DLGAP4: variants seen among roughly 807,000 people sequenced by gnomAD.
DLGAP4 encodes disks large-associated protein 4.
DLGAP4 carries 18 observed loss-of-function variants against 86.9 expected under a neutral mutation model. The ratio of observed to expected loss-of-function variants is 0.21; its 90% confidence interval spans 0.14 to 0.31. The LOEUF (loss-of-function observed/expected upper bound fraction) is 0.31, where lower values mean the gene tolerates loss of function less well. Among genes scored for constraint, DLGAP4 ranks in the 10% least tolerant of loss-of-function variants. The pLI, the probability that DLGAP4 is intolerant of heterozygous loss-of-function variation, is 1.00. For synonymous variants in DLGAP4, 548 were observed against 574.3 expected (o/e 0.95, Z 0.65); for missense variants, 1,085 against 1,362.6 (o/e 0.80, Z 3.21).
At chr20:36,457,093 G>A (rs1054185597) in intron 7 of DLGAP4, among the ~76,000 whole-genome samples, 18 of 152,222 alleles carry the variant, frequency 1.2e-4, no homozygotes, top group African/African-American at 4.3e-4. Context: ...ACATAAATAA[G>A]TGTGTGGTTT....
intron 2 of DLGAP4, among the ~76,000 whole-genome samples, chr20:36,403,536 G>A (rs577305239): frequency 3.3e-5 from 5 of 152,304 alleles, no homozygotes; most frequent in Admixed American, 1.3e-4. Context: ...AAACCTCAAG[G>A]AGACCGATAG....
chr20:36,489,918 G>T (rs2035588828), intron 7 of DLGAP4, among the ~76,000 whole-genome samples: 1 of 149,080 alleles, frequency 6.7e-6, no homozygotes, highest in African/African-American at 2.5e-5. Context: ...GAGTGCAGTG[G>T]CGCAATCCTG....
intron 1 of DLGAP4, among the ~76,000 whole-genome samples, chr20:36,353,254 C>G (rs2030218382): frequency 6.6e-6 from 1 of 152,164 alleles, no homozygotes; most frequent in African/African-American, 2.4e-5. Context: ...AGCCATGGCT[C>G]AGAGAGAGGA....
intron 2 of DLGAP4, among the ~76,000 whole-genome samples, chr20:36,390,478 G>T (rs1485374350): frequency 3.3e-5 from 5 of 152,086 alleles, no homozygotes; most frequent in African/African-American, 2.4e-5. Context: ...CTCCTGCAGG[G>T]TCATTAACCA....
At chr20:36,494,912 G>A (rs997384799) in intron 7 of DLGAP4, among the ~76,000 whole-genome samples, 11 of 150,966 alleles carry the variant, frequency 7.3e-5, no homozygotes, top group Admixed American at 2.6e-4. Flanking sequence ...CCAGGAGTTC[G>A]AGACTAACCT....
At chr20:36,436,054 C>T (rs1424911554) in intron 3 of DLGAP4, 55 bp from the exon 4 acceptor site, 4 of 1,490,750 alleles carry the variant, frequency 2.7e-6, no homozygotes, top group South Asian at 2.7e-5. Flanking sequence ...TGGGGGTTCT[C>T]GCCATCTGCT....
intron 11 of DLGAP4, among the ~76,000 whole-genome samples, chr20:36,524,795 G>A (rs2037604805): frequency 6.6e-6 from 1 of 152,046 alleles, no homozygotes; most frequent in African/African-American, 2.4e-5. Flanking sequence ...CCAGCTACTC[G>A]GGAGGCTGAG....
chr20:36,440,054 G>A (rs2033403045), intron 5 of DLGAP4, among the ~76,000 whole-genome samples, 186 bp downstream of exon 5: 1 of 152,158 alleles, frequency 6.6e-6, no homozygotes, highest in African/African-American at 2.4e-5. Flanking sequence ...CCTGTGGCTG[G>A]AGAGCACAGT....
At chr20:36,489,128 G>A (rs2035549706) in intron 7 of DLGAP4, among the ~76,000 whole-genome samples, 1 of 152,240 alleles carries the variant, frequency 6.6e-6, no homozygotes, top group African/African-American at 2.4e-5. Context: ...CTTGTTTACA[G>A]TATGAGAGCT....
At chr20:36,340,206 T>A (rs1464499468) in intron 1 of DLGAP4, among the ~76,000 whole-genome samples, 1 of 152,040 alleles carries the variant, frequency 6.6e-6, no homozygotes, top group African/African-American at 2.4e-5. Flanking sequence ...ATCCCCAACA[T>A]CAGCTCCTCC....
At chr20:36,337,250 A>G (rs1417087013) in intron 1 of DLGAP4, among the ~76,000 whole-genome samples, 1 of 151,964 alleles carries the variant, frequency 6.6e-6, no homozygotes, top group Non-Finnish European at 1.5e-5. Context: ...GCCAGAACCA[A>G]CAGGATGTTT....
intron 4 of DLGAP4, 78 bp downstream of exon 4, chr20:36,436,428 G>T: frequency 6.9e-7 from 1 of 1,456,056 alleles, no homozygotes; most frequent in Middle Eastern, 2.1e-4. Context: ...CCTGGGAGGA[G>T]CCCTGCATTA....
intron 2 of DLGAP4, among the ~76,000 whole-genome samples, chr20:36,404,936 G>T (rs2032272041): frequency 6.6e-6 from 1 of 152,234 alleles, no homozygotes; most frequent in Non-Finnish European, 1.5e-5. Context: ...CGGTCGAGGG[G>T]GTAGTTGAGG....
At chr20:36,517,772 T>C (rs1358941730) in intron 10 of DLGAP4, among the ~76,000 whole-genome samples, 1 of 152,208 alleles carries the variant, frequency 6.6e-6, no homozygotes, top group Admixed American at 6.5e-5. Context: ...TTTAGTACAC[T>C]GCCGGGTTTA....
At chr20:36,399,419 G>GA (rs2032091994) in intron 2 of DLGAP4, among the ~76,000 whole-genome samples, 1 of 152,128 alleles carries the variant, frequency 6.6e-6, no homozygotes, top group South Asian at 2.1e-4. Flanking sequence ...TTCTGTGTAA[G>GA]AAAAAATAAG....
In DLGAP4 at chr20:36,525,859, T is replaced by G; in HGVS notation, c.2613T>G (p.Asp871Glu). 2 of 1,613,356 alleles carry G rather than the reference T, an allele frequency of 1.2e-6. No individual in the cohort carries two copies. The highest frequency in any genetic ancestry group is 2.2e-5 in the South Asian group (2 of 91,076). Residue 871 changes from aspartate to glutamate, a missense_variant, in exon 12 of 13, where the codon GAT becomes GAG. This residue lies in a region of DLGAP4 where 1,082 missense variants were observed against 1,344.1 expected (regional missense o/e 0.81). Transcript: ENST00000339266. ...CCCCATCTGGCCCACAGAACCCTGA[T>G]GCCAACCCACGCCCCACAGCCCAGG... ...RGLCEQNLNP[D>E]ANPRPTAQDL...
intron 2 of DLGAP4, among the ~76,000 whole-genome samples, chr20:36,384,756 G>T (rs2031534558): frequency 1.3e-5 from 2 of 152,208 alleles, no homozygotes; most frequent in South Asian, 4.1e-4. Context: ...TGAGGTTTGA[G>T]CCAGAAAGGA....
intron 11 of DLGAP4, among the ~76,000 whole-genome samples, chr20:36,525,131 T>C (rs932235717): frequency 9.5e-5 from 13 of 136,152 alleles, no homozygotes; most frequent in African/African-American, 1.4e-4. Flanking sequence ...GGCAGGAGAA[T>C]GGTGTGAACC....
chr20:36,500,558 G>A lies in DLGAP4; in HGVS notation c.2459G>A (p.Gly820Asp). 2.0e-6 allele frequency: 3 copies of A among 1,528,866 alleles called. No individual in the cohort carries two copies. Among genetic ancestry groups the A allele is most frequent in the Non-Finnish European group, 2.6e-6 (3 of 1,140,816 alleles). 94.7% of individuals were successfully genotyped at this position (1,528,866 alleles called of 1,614,324 possible). Residue 820 changes from glycine to aspartate, a missense_variant, in exon 10 of 13, where the codon GGC (glycine) becomes GAC (aspartate). Gly to Asp is a moderately conservative substitution (Grantham distance 94, BLOSUM62 -1). Around this residue, in one of 2 missense-constraint regions of DLGAP4, gnomAD observed 1,082 missense variants for 1,344.1 expected, o/e 0.81. Transcript: ENST00000339266. The surrounding 1 kb of genome is among the most constrained non-coding windows in gnomAD (Gnocchi z 4.6). ...CAGGCAGAAACAGAGCGGCTGGAAG[G>A]CTGGTGCTGCCAGATGGACAAGGAG... is the stretch of plus-strand genomic sequence containing the variant. The part of the protein sequence containing the change: ...LLQAETERLE[G>D]WCCQMDKETK...
Sources: gnomAD v4.1 joint callset for allele counts (sites outside exome capture counted in the v4.1 genomes callset) on GRCh38, gnomAD v4.1.1 for gene constraint, gnomAD v4.1.1 regional missense constraint, Gnocchi (gnomAD v3.1) non-coding constraint, MANE v1.5 for transcripts, NCBI Gene and HGNC (gene_info 2026-07-23, HGNC 2026-07-21) for gene names.